TMEM163: variants seen among roughly 807,000 people sequenced by gnomAD.
The protein encoded by TMEM163 is transmembrane protein 163.
Under a neutral mutation model 29.3 loss-of-function variants are expected in TMEM163, and 17 were observed. The ratio of observed to expected loss-of-function variants is 0.58; its 90% CI spans 0.40 to 0.87. TMEM163 has a LOEUF of 0.87. Ranked by LOEUF, TMEM163 falls within the 40% of genes least tolerant of loss-of-function variation. TMEM163 has a pLI of 0.00. For synonymous variants in TMEM163, 157 were observed against 160.6 expected, an observed-to-expected ratio of 0.98 and a Z score of 0.17; for missense variants, 303 against 381.5, an observed-to-expected ratio of 0.79 and a Z score of 1.71.
At chr2:134,639,373 C>G (rs1380794838) in intron 2 of TMEM163, among the ~76,000 whole-genome samples, 2 of 152,202 alleles carry the variant, frequency 1.3e-5, no homozygotes, top group Admixed American at 6.5e-5. Context: ...AGTGCCTCAT[C>G]ATCATGACTG....
chr2:134,536,821 C>A (rs1438761116), intron 4 of TMEM163, among the ~76,000 whole-genome samples: 1 of 152,164 alleles, frequency 6.6e-6, no homozygotes, highest in African/African-American at 2.4e-5. Flanking sequence ...GGTCACGGTT[C>A]CCTGACAGGC....
intron 2 of TMEM163, among the ~76,000 whole-genome samples, chr2:134,712,872 A>G (rs1031801199): frequency 1.3e-5 from 2 of 152,122 alleles, no homozygotes; most frequent in African/African-American, 4.8e-5. Context: ...TCTTAAGGAT[A>G]TATATGTGTC....
intron 4 of TMEM163, among the ~76,000 whole-genome samples, chr2:134,506,747 G>A (rs1173285809): frequency 6.6e-6 from 1 of 152,212 alleles, no homozygotes. Flanking sequence ...ATTTGAGTCA[G>A]GAGCAAACAG....
intron 2 of TMEM163, among the ~76,000 whole-genome samples, chr2:134,562,352 C>G (rs1353865959): frequency 6.6e-6 from 1 of 152,218 alleles, no homozygotes; most frequent in Admixed American, 6.5e-5. Context: ...TTAAACTGAA[C>G]AAGACTGGAA....
intron 4 of TMEM163, among the ~76,000 whole-genome samples, chr2:134,549,779 C>T (rs1680871151): frequency 6.6e-6 from 1 of 152,198 alleles, no homozygotes; most frequent in Non-Finnish European, 1.5e-5. Context: ...TATACATGCA[C>T]ATATATACAT....
intron 5 of TMEM163, among the ~76,000 whole-genome samples, chr2:134,470,748 C>T (rs1373524071): frequency 6.6e-6 from 1 of 152,242 alleles, no homozygotes; most frequent in East Asian, 1.9e-4. Flanking sequence ...GTCCTGAAAG[C>T]TCTGTGATTA....
At chr2:134,696,207 G>A (rs1029151265) in intron 2 of TMEM163, among the ~76,000 whole-genome samples, 2 of 152,064 alleles carry the variant, frequency 1.3e-5, no homozygotes, top group African/African-American at 4.8e-5. Flanking sequence ...CCTCCCTGAT[G>A]TGTGATGCTA....
At chr2:134,560,162 C>T (rs999888654) in intron 2 of TMEM163, among the ~76,000 whole-genome samples, 31 of 152,194 alleles carry the variant, frequency 2.0e-4, no homozygotes, top group Admixed American at 1.9e-3. Flanking sequence ...AACCTGCCCT[C>T]GTTCCCAATC....
intron 2 of TMEM163, among the ~76,000 whole-genome samples, chr2:134,580,966 G>A (rs1309493315): frequency 6.6e-6 from 1 of 152,132 alleles, no homozygotes; most frequent in Non-Finnish European, 1.5e-5. Flanking sequence ...TTCTGGGTTT[G>A]ACTAACCAAT....
intron 2 of TMEM163, among the ~76,000 whole-genome samples, chr2:134,586,698 G>A (rs890627012): frequency 6.6e-6 from 1 of 152,140 alleles, no homozygotes; most frequent in Non-Finnish European, 1.5e-5. Context: ...TCCAGGCCTC[G>A]TCAGCCAGGG....
intron 2 of TMEM163, among the ~76,000 whole-genome samples, chr2:134,595,685 C>T (rs1438709180): frequency 3.3e-5 from 5 of 152,182 alleles, no homozygotes; most frequent in East Asian, 1.9e-4. Flanking sequence ...CTTGAGGAAT[C>T]GCCACACTGT....
At chr2:134,672,675 C>T (rs1337566515) in intron 2 of TMEM163, among the ~76,000 whole-genome samples, 1 of 152,142 alleles carries the variant, frequency 6.6e-6, no homozygotes, top group Admixed American at 6.5e-5. Flanking sequence ...CTGTGCCTGG[C>T]CTTAAAGCTG....
intron 2 of TMEM163, 70 bp from the exon 3 acceptor site, chr2:134,552,161 A>G: frequency 8.0e-7 from 1 of 1,250,554 alleles, no homozygotes; most frequent in Non-Finnish European, 1.1e-6. Context: ...TTAATACATT[A>G]CATGGCCTTT....
intron 2 of TMEM163, among the ~76,000 whole-genome samples, chr2:134,628,100 G>T (rs190610668): frequency 5.9e-5 from 9 of 152,158 alleles, no homozygotes; most frequent in Non-Finnish European, 1.5e-5. Context: ...AACCTTCTTG[G>T]GGACAATATT....
chr2:134,474,232 A>G (rs1276778447), intron 5 of TMEM163, among the ~76,000 whole-genome samples: 3 of 152,220 alleles, frequency 2.0e-5, no homozygotes, highest in Non-Finnish European at 4.4e-5. Context: ...GCAATTTCCC[A>G]TATTGACAGA....
At chr2:134,484,712 CAAT>C (rs1679273642) in intron 5 of TMEM163, among the ~76,000 whole-genome samples, 1 of 152,230 alleles carries the variant, frequency 6.6e-6, no homozygotes, top group South Asian at 2.1e-4. Context: ...ACAATAACAA[CAAT>C]GTTAAATCTT....
Position 134,550,621 on chromosome 2 carries a change from A to T in TMEM163, c.407T>A (p.Leu136Gln), listed in dbSNP as rs1490781995. ...AGCGGCCGCGTTGCTGTAACGCCAC[A>T]GGACAATCGCCGATGACAGGACGTC... ...ILDVLSSAIV[L>Q]WRYSNAAAVH... Residue 136 changes from leucine to glutamine, a missense_variant, in exon 4 of 8, where the codon CTG (leucine) becomes CAG (glutamine). Transcript: ENST00000281924. 2.5e-6 allele frequency: 4 copies of T among 1,614,116 alleles called. No individual in the cohort carries two copies. Among genetic ancestry groups the T allele is most frequent in the Non-Finnish European group, 3.4e-6 (4 of 1,180,030 alleles).
intron 4 of TMEM163, among the ~76,000 whole-genome samples, chr2:134,532,336 G>A (rs1374328019): frequency 6.6e-6 from 1 of 152,238 alleles, no homozygotes; most frequent in Non-Finnish European, 1.5e-5. Context: ...CCCAAGTGCT[G>A]TGAGATTCCT....
At chr2:134,521,015 T>TC (rs1429395077) in intron 4 of TMEM163, among the ~76,000 whole-genome samples, 2 of 150,600 alleles carry the variant, frequency 1.3e-5, no homozygotes, top group Non-Finnish European at 2.9e-5. Flanking sequence ...TTTTTTTTTT[T>TC]TGAGAGGCAG....
Sources: gnomAD v4.1 joint callset for allele counts (sites outside exome capture counted in the v4.1 genomes callset) on GRCh38, gnomAD v4.1.1 for gene constraint, MANE v1.5 for transcripts, NCBI Gene and HGNC (gene_info 2026-07-23, HGNC 2026-07-21) for gene names.